Variants in RAB5C observed in about 807,000 individuals in gnomAD.
The protein encoded by RAB5C is RAB5C, member RAS oncogene family.
RAB5C carries 4 observed loss-of-function variants against 25.2 expected under a neutral mutation model. The ratio of observed to expected loss-of-function variants is 0.16; its 90% CI spans 0.08 to 0.36. The LOEUF (loss-of-function observed/expected upper bound fraction) is 0.36, where lower values mean the gene tolerates loss of function less well. Among genes scored for constraint, RAB5C ranks in the 10% least tolerant of loss-of-function variants. The pLI, the probability that RAB5C is intolerant of heterozygous loss-of-function variation, is 1.00. For synonymous variants in RAB5C, 100 were observed against 106.4 expected (o/e 0.94, Z 0.37); for missense variants, 199 against 283.8 (o/e 0.70, Z 2.15).
At position 42,128,192 on chromosome 17, in the gene RAB5C, G is replaced by A. The variant is rs186561485; in HGVS notation, c.441+69C>T. 1.6e-5 allele frequency: 25 copies of A among 1,550,944 alleles called. 1 individual carries two copies. The East Asian group carries it at 4.2e-4, about 26-fold the overall frequency. On this transcript the variant is annotated intron_variant, in intron 4 of 5. Coordinates refer to ENST00000346213, the MANE Select transcript of RAB5C (RefSeq NM_004583.4). ...TAGCATGGCCCTTCCCAAAGCCCCT[G>A]AGCATCCCAGGCGAGGCCGGGGGGA...
In RAB5C at chr17:42,125,556, T is replaced by G; in HGVS notation, c.*227A>C. The G allele has an allele frequency of 1.9e-6, 1 of 516,072 alleles. No individual in the cohort carries two copies. Among genetic ancestry groups the G allele is most frequent in the Non-Finnish European group, 3.5e-6 (1 of 289,226 alleles). 32.0% of individuals were successfully genotyped at this position (516,072 alleles called of 1,614,324 possible). The stretch of plus-strand genomic sequence containing the variant: ...TGGGAAGAGCAGAAGATCATATATA[T>G]TAAAAAAGTGACTTAAGACTTAAAA... On this transcript the variant is annotated 3_prime_UTR_variant, in exon 6 of 6. Transcript: ENST00000346213.
intron 1 of RAB5C, among the ~76,000 whole-genome samples, chr17:42,150,053 T>C (rs1568026107): frequency 6.6e-6 from 1 of 151,886 alleles, no homozygotes; most frequent in Non-Finnish European, 1.5e-5. Flanking sequence ...CCTGACTAAT[T>C]TTGGTATTTT....
At chr17:42,134,534 G>A (rs935260243) in intron 1 of RAB5C, among the ~76,000 whole-genome samples, 23 of 152,096 alleles carry the variant, frequency 1.5e-4, no homozygotes, top group Admixed American at 1.2e-3. Flanking sequence ...CTGAGATCGC[G>A]CCATTGCACT....
At chr17:42,145,694 T>C (rs943677605) in intron 1 of RAB5C, among the ~76,000 whole-genome samples, 1 of 152,184 alleles carries the variant, frequency 6.6e-6, no homozygotes, top group Non-Finnish European at 1.5e-5. Flanking sequence ...CTGAGGAGAA[T>C]GGCTTGAGCC....
At chr17:42,136,774 G>A (rs1344533823) in intron 1 of RAB5C, among the ~76,000 whole-genome samples, 1 of 152,092 alleles carries the variant, frequency 6.6e-6, no homozygotes, top group Admixed American at 6.5e-5. Flanking sequence ...AAGGTGAGGA[G>A]AAGTGACCTG....
At chr17:42,142,384 T>C (rs955867729) in intron 1 of RAB5C, among the ~76,000 whole-genome samples, 1 of 152,086 alleles carries the variant, frequency 6.6e-6, no homozygotes, top group Non-Finnish European at 1.5e-5. Context: ...TCAAAGCCTC[T>C]TTCAGGAAAG....
chr17:42,147,158 GAGAGAGAGAGAGAA>G (rs1247915699), intron 1 of RAB5C, among the ~76,000 whole-genome samples: 7 of 151,828 alleles, frequency 4.6e-5, no homozygotes, highest in East Asian at 1.9e-4. Context: ...GAGAGAGAGA[GAGAGAGAGAGAGAA>G]AGAAAGAAAG....
In RAB5C at chr17:42,126,011, G is replaced by GA; in HGVS notation, c.536-114_536-113insT. ...AATCAGTGGTAACTCACATATTGAGGGCTTCTGTGTGTCAGGTGCATTCTG... is the reference window on the plus strand; with the variant it reads ...AATCAGTGGTAACTCACATATTGAGGAGCTTCTGTGTGTCAGGTGCATTCTG... On this transcript the variant is annotated intron_variant, in intron 5 of 5. Transcript: ENST00000346213. 6 of 735,256 alleles carry GA rather than the reference G, an allele frequency of 8.2e-6. No homozygotes were observed. The South Asian group carries it at 1.1e-4, about 13-fold the overall frequency. 45.5% of individuals were successfully genotyped at this position (735,256 alleles called of 1,614,324 possible).
At chr17:42,139,889 G>A (rs1408387211) in intron 1 of RAB5C, among the ~76,000 whole-genome samples, 1 of 152,232 alleles carries the variant, frequency 6.6e-6, no homozygotes, top group Non-Finnish European at 1.5e-5. Flanking sequence ...GCCAATGCCA[G>A]GCAGGATGCT....
intron 1 of RAB5C, among the ~76,000 whole-genome samples, 180 bp from the exon 2 acceptor site, chr17:42,130,770 T>G (rs2054477428): frequency 6.6e-6 from 1 of 151,360 alleles, no homozygotes; most frequent in Admixed American, 6.6e-5. Flanking sequence ...ATACTAGATG[T>G]CTACCGGCTC....
At chr17:42,126,240 G>C (rs1346101425) in intron 5 of RAB5C, among the ~76,000 whole-genome samples, 1 of 152,096 alleles carries the variant, frequency 6.6e-6, no homozygotes. Flanking sequence ...GTGAAATGTT[G>C]AGACTCTGGC....
intron 1 of RAB5C, among the ~76,000 whole-genome samples, chr17:42,140,510 TATA>T (rs1347066660): frequency 7.2e-4 from 25 of 34,774 alleles, no homozygotes; most frequent in Admixed American, 1.1e-3. Context: ...TATATATATA[TATA>T]TATTTTTTTT....
intron 1 of RAB5C, chr17:42,131,705 T>A: frequency 8.2e-7 from 1 of 1,219,246 alleles, no homozygotes; most frequent in Non-Finnish European, 1.2e-6. Context: ...CCCCAACAGC[T>A]GGTGTTCCAG....
rs778465129 is a variant in RAB5C, at chr17:42,130,446, G to A, written c.57C>T (p.Ile19=). Residue 19 remains isoleucine (I), a synonymous_variant, in exon 2 of 6, where the codon ATC becomes ATT. Coordinates refer to ENST00000346213, the MANE Select transcript of RAB5C (RefSeq NM_004583.4). ...CCAGCAGAACCAGCTTAAATTGACA[G>A]ATCTTGTTCCCAGCAGCTGGTCCAT... is the stretch of plus-strand genomic sequence containing the variant. ...RPNGPAAGNK[I]CQFKLVLLGE... is the part of the protein sequence containing the mutation. The A allele has an allele frequency of 2.5e-6, 4 of 1,614,132 alleles. No homozygotes were observed. The highest frequency in any genetic ancestry group is 2.2e-5 in the East Asian group (1 of 44,874).
chr17:42,127,576 C>T (rs1195259678), intron 4 of RAB5C, among the ~76,000 whole-genome samples: 4 of 150,908 alleles, frequency 2.7e-5, no homozygotes, highest in Non-Finnish European at 5.9e-5. Context: ...CAGGATCTCA[C>T]TGTGTTGCCC....
chr17:42,125,682 C>A lies in RAB5C; in HGVS notation c.*101G>T. 1.3e-6 allele frequency: 1 copy of A among 779,384 alleles called. No individual in the cohort carries two copies. The highest frequency in any genetic ancestry group is 2.1e-6 in the Non-Finnish European group (1 of 478,174). The allele number at this position is 779,384 out of a possible 1,614,324, so 48.3% of individuals were successfully genotyped here. ...TCATGGTGGACCCCTCCCCCTGCCCCCCCAGTGGTGGCCCGAGTCGTTAAG... is the reference window on the plus strand; with the variant it reads ...TCATGGTGGACCCCTCCCCCTGCCCACCCAGTGGTGGCCCGAGTCGTTAAG... On this transcript the variant is annotated 3_prime_UTR_variant, in exon 6 of 6. Transcript: ENST00000346213.
chr17:42,126,166 TAGGCA>T (rs796752758), intron 5 of RAB5C, among the ~76,000 whole-genome samples: 2 of 152,148 alleles, frequency 1.3e-5, no homozygotes, highest in South Asian at 4.2e-4. Flanking sequence ...TAAAAACTCC[TAGGCA>T]GTGGGTAGGG....
chr17:42,147,072 A>AAAAG lies in RAB5C; in HGVS notation c.-89+7817_-89+7820dup, dbSNP rs976863509. ...AGACAGAAAAAGAAAGAAAGAAAGAAAAAGAAAGAAAGAAAGAAAGAAAGA... is the reference window on the plus strand; with the variant it reads ...AGACAGAAAAAGAAAGAAAGAAAGAAAAAGAAAGAAAGAAAGAAAGAAAGAAAGA... On this transcript the variant is annotated intron_variant, in intron 1 of 5. Transcript: ENST00000346213. Among the ~76,000 whole-genome samples the AAAAG allele has an allele frequency of 9.3e-3, 1,403 of 150,260 alleles. 13 individuals are homozygous for AAAAG. Among genetic ancestry groups the AAAAG allele is most frequent in the African/African-American group, 0.021 (852 of 40,218 alleles).
intron 1 of RAB5C, among the ~76,000 whole-genome samples, chr17:42,131,068 G>A (rs2054480666): frequency 6.6e-6 from 1 of 152,158 alleles, no homozygotes; most frequent in Admixed American, 6.5e-5. Flanking sequence ...GCAGACAGGG[G>A]CCCAAGAGGT....
Sources: allele counts gnomAD v4.1 joint callset (sites outside exome capture counted in the v4.1 genomes callset), GRCh38; gene constraint gnomAD v4.1.1; transcripts MANE v1.5; gene names NCBI Gene and HGNC (gene_info 2026-07-23, HGNC 2026-07-21).